The following ACER3 variants were observed in gnomAD, a reference collection of about 807,000 sequenced individuals.
ACER3 encodes alkaline ceramidase 3, also known as alkCDase 3.
Under a neutral mutation model 48.9 loss-of-function variants are expected in ACER3, and 16 were observed. The observed-to-expected ratio is 0.33, with a 90% CI of 0.22 to 0.50. ACER3 has a LOEUF of 0.50. ACER3 is among the 20% of genes least tolerant of loss of function. The probability of loss-of-function intolerance (pLI) is 0.98; values close to 1 mark genes in which losing one functional copy is unlikely to be tolerated. For synonymous variants in ACER3, 109 were observed against 107.8 expected (o/e 1.01, Z -0.07); for missense variants, 227 against 326.0 (o/e 0.70, Z 2.34).
At chr11:76,955,217 C>T (rs762424309) in intron 2 of ACER3, among the ~76,000 whole-genome samples, 7 of 152,010 alleles carry the variant, frequency 4.6e-5, no homozygotes, top group African/African-American at 7.3e-5. Flanking sequence ...AAATACTAAA[C>T]CATGTGACCC....
At chr11:76,951,026 A>G (rs571954704) in intron 2 of ACER3, among the ~76,000 whole-genome samples, 8 of 152,174 alleles carry the variant, frequency 5.3e-5, no homozygotes, top group Admixed American at 3.3e-4. Context: ...TGGTTCCTCT[A>G]ATTTTGTCTT....
chr11:76,933,184 A>ATATATATAT (rs1555004143), intron 2 of ACER3, among the ~76,000 whole-genome samples: 2 of 147,314 alleles, frequency 1.4e-5, no homozygotes, highest in Non-Finnish European at 3.0e-5. Flanking sequence ...ATATATATAT[A>ATATATATAT]TATATATATG....
chr11:76,878,474 A>G (rs1945442240), intron 1 of ACER3, among the ~76,000 whole-genome samples: 1 of 152,036 alleles, frequency 6.6e-6, no homozygotes, highest in Non-Finnish European at 1.5e-5. Context: ...TAAGATTCGT[A>G]TTTTTGAGAA....
chr11:77,016,622 A>T, intron 8 of ACER3, 53 bp from the exon 9 acceptor site: 1 of 935,720 alleles, frequency 1.1e-6, no homozygotes, highest in Non-Finnish European at 1.7e-6. Flanking sequence ...TATCAGCGTT[A>T]GTCGCTAAAT....
intron 7 of ACER3, among the ~76,000 whole-genome samples, chr11:77,013,503 T>C (rs7933626): frequency 0.059 from 8,979 of 152,062 alleles, 282 homozygotes; most frequent in Middle Eastern, 0.13. Flanking sequence ...ATTAGGGAAA[T>C]GCAAATTAAA....
chr11:76,982,814 T>A (rs1029248391), intron 4 of ACER3, among the ~76,000 whole-genome samples: 2 of 152,238 alleles, frequency 1.3e-5, no homozygotes, highest in Non-Finnish European at 1.5e-5. Context: ...TTTAGGTCCA[T>A]GATCTATTTT....
At chr11:76,944,988 A>C (rs1388285793) in intron 2 of ACER3, among the ~76,000 whole-genome samples, 1 of 147,696 alleles carries the variant, frequency 6.8e-6, no homozygotes, top group Non-Finnish European at 1.5e-5. Context: ...TGCTTGGTCT[A>C]GTCTATTATT....
chr11:76,934,554 G>C (rs534682043), intron 2 of ACER3, among the ~76,000 whole-genome samples: 28 of 152,396 alleles, frequency 1.8e-4, no homozygotes, highest in African/African-American at 6.7e-4. Flanking sequence ...CAGGCGTGGC[G>C]TGCGCCTGCA....
chr11:76,988,795 G>T (rs1331985565), intron 5 of ACER3, among the ~76,000 whole-genome samples: 1 of 152,212 alleles, frequency 6.6e-6, no homozygotes, highest in Non-Finnish European at 1.5e-5. Flanking sequence ...TCTAGAGATT[G>T]TCAGTGACTT....
At chr11:76,950,352 C>A (rs1292559874) in intron 2 of ACER3, among the ~76,000 whole-genome samples, 1 of 36,022 alleles carries the variant, frequency 2.8e-5, no homozygotes, top group Non-Finnish European at 1.2e-4. Flanking sequence ...GTGACATGAT[C>A]ATATATATAT....
At chr11:76,918,766 A>C (rs1946605373) in intron 1 of ACER3, among the ~76,000 whole-genome samples, 1 of 152,132 alleles carries the variant, frequency 6.6e-6, no homozygotes, top group Non-Finnish European at 1.5e-5. Flanking sequence ...CCCATTTTGC[A>C]AGTTAGGAAA....
In ACER3 at chr11:76,928,305, GTTGT is replaced by G. The variant is rs548349216; in HGVS notation, c.214+1645_214+1648del. 9.2e-4 allele frequency among the ~76,000 whole-genome samples: 140 copies of G among 152,250 alleles called. 3 individuals are homozygous for G. The South Asian group carries it at 0.027, about 30-fold the overall frequency. On this transcript the variant is annotated intron_variant, in intron 2 of 10. Coordinates refer to ENST00000532485, the MANE Select transcript of ACER3 (RefSeq NM_018367.7). ...TATCCTTTGCCCACTTTTTGATGGG[GTTGT>G]TTGTTTTTTTCTTGTAAATTTGTTT...
chr11:76,919,573 A>G (rs1946633760), intron 1 of ACER3, among the ~76,000 whole-genome samples: 1 of 152,206 alleles, frequency 6.6e-6, no homozygotes, highest in Non-Finnish European at 1.5e-5. Flanking sequence ...CCAGAAAAAA[A>G]GTGTTCAAAA....
chr11:76,992,821 AAGTT>A (rs1948830269), intron 6 of ACER3, among the ~76,000 whole-genome samples: 1 of 151,998 alleles, frequency 6.6e-6, no homozygotes, highest in Admixed American at 6.6e-5. Context: ...CACCCTGGAC[AAGTT>A]AGTTAACCTC....
chr11:76,923,053 A>G (rs1295464418), intron 1 of ACER3, among the ~76,000 whole-genome samples: 4 of 152,054 alleles, frequency 2.6e-5, no homozygotes, highest in Non-Finnish European at 5.9e-5. Context: ...AAAAATCTAG[A>G]TAATGCTAAA....
intron 1 of ACER3, among the ~76,000 whole-genome samples, chr11:76,924,792 A>ATTTC (rs908481231): frequency 6.6e-6 from 1 of 151,960 alleles, no homozygotes; most frequent in African/African-American, 2.4e-5. Context: ...CTATGGTAAC[A>ATTTC]TTTCTTTCTG....
intron 7 of ACER3, among the ~76,000 whole-genome samples, chr11:76,999,359 G>C (rs1948981831): frequency 6.8e-6 from 1 of 147,698 alleles, no homozygotes; most frequent in South Asian, 2.2e-4. Context: ...CAATAAATAA[G>C]TAGTATGATT....
intron 9 of ACER3, among the ~76,000 whole-genome samples, chr11:77,018,113 TGCTTTTAGTAGAGACAG>T (rs1949406060): frequency 6.6e-6 from 1 of 152,000 alleles, no homozygotes; most frequent in Admixed American, 6.6e-5. Flanking sequence ...CTAATTTTTG[TGCTTTTAGTAGAGACAG>T]GCTTTCACCA....
At chr11:77,016,822 G>GTT (rs112678860) in intron 9 of ACER3, 43 bp downstream of exon 9, 637 of 848,324 alleles carry the variant, frequency 7.5e-4, no homozygotes, top group South Asian at 1.7e-3. Context: ...AGAGTTTGTT[G>GTT]TTTTTTTTTT....
Sources: allele counts gnomAD v4.1 joint callset (sites outside exome capture counted in the v4.1 genomes callset), GRCh38; gene constraint gnomAD v4.1.1; transcripts MANE v1.5; gene names NCBI Gene and HGNC (gene_info 2026-07-23, HGNC 2026-07-21).